The following STIM1 variants were observed in gnomAD, a reference collection of about 807,000 sequenced individuals.
STIM1 encodes stromal interaction molecule 1.
In STIM1, 25 loss-of-function variants were observed where a neutral mutation model predicts 74.7. The ratio of observed to expected loss-of-function variants is 0.33; its 90% confidence interval spans 0.24 to 0.47. STIM1 has a LOEUF of 0.47. STIM1 is among the 20% of genes least tolerant of loss of function. The pLI is 1.00. For missense variants in STIM1, 728 were observed against 920.8 expected, an observed-to-expected ratio of 0.79 and a Z score of 2.71; for synonymous variants, 328 against 348.8, an observed-to-expected ratio of 0.94 and a Z score of 0.66.
chr11:3,997,907 C>T (rs2093677180), intron 2 of STIM1, among the ~76,000 whole-genome samples: 1 of 152,190 alleles, frequency 6.6e-6, no homozygotes, highest in African/African-American at 2.4e-5. Context: ...TAGTAGACTA[C>T]AATGTCTTGT....
chr11:3,937,129 A>G (rs1052662126), intron 1 of STIM1, among the ~76,000 whole-genome samples: 6 of 151,864 alleles, frequency 4.0e-5, no homozygotes, highest in Admixed American at 2.6e-4. Flanking sequence ...CATCTCTACA[A>G]AAAATACAAA....
chr11:3,899,243 G>C (rs2092277909), intron 1 of STIM1, among the ~76,000 whole-genome samples: 1 of 152,212 alleles, frequency 6.6e-6, no homozygotes, highest in Non-Finnish European at 1.5e-5. Context: ...TCCCTTGTAA[G>C]TTGGATTCCT....
chr11:3,980,943 A>G (rs2093498438), intron 2 of STIM1, among the ~76,000 whole-genome samples: 1 of 152,150 alleles, frequency 6.6e-6, no homozygotes, highest in African/African-American at 2.4e-5. Flanking sequence ...TCAATTTTCA[A>G]ACTGCCCCTT....
intron 2 of STIM1, among the ~76,000 whole-genome samples, chr11:3,990,092 C>A (rs1179533159): frequency 3.3e-5 from 5 of 152,218 alleles, no homozygotes; most frequent in African/African-American, 1.2e-4. Context: ...AATCTACTTT[C>A]TCTTTCTGTA....
chr11:3,913,523 T>C (rs890975309), intron 1 of STIM1, among the ~76,000 whole-genome samples: 1 of 152,190 alleles, frequency 6.6e-6, no homozygotes, highest in African/African-American at 2.4e-5. Flanking sequence ...GGGTATCTCT[T>C]AGTCACACTA....
chr11:4,004,885 T>G (rs1209810640), intron 2 of STIM1, among the ~76,000 whole-genome samples: 1 of 151,928 alleles, frequency 6.6e-6, no homozygotes, highest in Non-Finnish European at 1.5e-5. Flanking sequence ...TAAACAAACT[T>G]ACAAGAAAAA....
At chr11:3,991,967 A>AG (rs1409380032) in intron 2 of STIM1, among the ~76,000 whole-genome samples, 12 of 108,010 alleles carry the variant, frequency 1.1e-4, no homozygotes, top group African/African-American at 2.8e-4. Context: ...AAAAAAAAAA[A>AG]AAAAAGAAAA....
At chr11:3,961,190 A>C (rs867613492) in intron 1 of STIM1, 1 of 162,152 alleles carries the variant, frequency 6.2e-6, no homozygotes, top group Non-Finnish European at 1.3e-5. Flanking sequence ...GGGTCTCACT[A>C]TGTTGCCCAG....
chr11:3,916,024 C>T (rs1206680442), intron 1 of STIM1, among the ~76,000 whole-genome samples: 1 of 12,862 alleles, frequency 7.8e-5, no homozygotes, highest in African/African-American at 3.4e-4. Flanking sequence ...TGCCACTGCA[C>T]TCCAGCCTGG....
intron 1 of STIM1, among the ~76,000 whole-genome samples, chr11:3,891,476 G>C (rs2091895232): frequency 6.6e-6 from 1 of 151,708 alleles, no homozygotes; most frequent in Admixed American, 6.6e-5. Flanking sequence ...GTGGAGACAG[G>C]GTTTCAACAT....
intron 1 of STIM1, among the ~76,000 whole-genome samples, chr11:3,956,756 G>C (rs966922684): frequency 5.0e-5 from 7 of 140,008 alleles, no homozygotes; most frequent in Non-Finnish European, 7.6e-5. Flanking sequence ...TCAAAAGGTA[G>C]AGGCTGCAGT....
At chr11:3,938,068 G>A (rs868696942) in intron 1 of STIM1, among the ~76,000 whole-genome samples, 5 of 151,834 alleles carry the variant, frequency 3.3e-5, no homozygotes, top group African/African-American at 7.3e-5. Context: ...CGAGTAGCTG[G>A]GTTTACAGGT....
intron 1 of STIM1, among the ~76,000 whole-genome samples, chr11:3,911,143 C>T (rs2092556208): frequency 6.6e-6 from 1 of 152,170 alleles, no homozygotes; most frequent in Non-Finnish European, 1.5e-5. Context: ...GGCATAGCAG[C>T]AAGGATGAGA....
intron 12 of STIM1, chr11:4,088,866 C>T: frequency 1.1e-6 from 1 of 902,950 alleles, no homozygotes; most frequent in Non-Finnish European, 1.7e-6. Context: ...TCCTATATCT[C>T]CCTAGGCTTC....
intron 1 of STIM1, among the ~76,000 whole-genome samples, chr11:3,952,508 T>C (rs61897193): frequency 0.075 from 11,476 of 152,276 alleles, 776 homozygotes; most frequent in East Asian, 0.18. Flanking sequence ...AAGACTTGAC[T>C]GATTTTTTCA....
chr11:4,011,681 C>T (rs570784590), intron 2 of STIM1, among the ~76,000 whole-genome samples: 54 of 152,246 alleles, frequency 3.5e-4, no homozygotes, highest in African/African-American at 1.2e-3. Context: ...GTTGCCCGTT[C>T]GCTCTGCTGA....
intron 1 of STIM1, among the ~76,000 whole-genome samples, chr11:3,858,335 C>A (rs1264455088): frequency 6.6e-6 from 1 of 151,536 alleles, no homozygotes. Context: ...ATTCTTCACA[C>A]AACATATATT....
chr11:4,030,390 A>G (rs1462621729), intron 3 of STIM1, among the ~76,000 whole-genome samples: 3 of 152,006 alleles, frequency 2.0e-5, no homozygotes, highest in Non-Finnish European at 2.9e-5. Context: ...CTCTCTGTTG[A>G]CACAACACAG....
intron 1 of STIM1, among the ~76,000 whole-genome samples, chr11:3,887,902 G>A (rs1224460013): frequency 1.3e-5 from 2 of 151,306 alleles, no homozygotes; most frequent in African/African-American, 4.9e-5. Flanking sequence ...CGGGAGGCAC[G>A]GAGGTTGCAA....
Sources: gnomAD v4.1 joint callset for allele counts (sites outside exome capture counted in the v4.1 genomes callset) on GRCh38, gnomAD v4.1.1 for gene constraint, MANE v1.5 for transcripts, NCBI Gene and HGNC (gene_info 2026-07-23, HGNC 2026-07-21) for gene names.